The following MRPS6 variants were observed in gnomAD, a reference collection of about 807,000 sequenced individuals.
The protein encoded by MRPS6 is mitochondrial ribosomal protein S6.
In MRPS6, 6 loss-of-function variants were observed where a neutral mutation model predicts 13.1. The observed-to-expected ratio is 0.46, with a 90% CI of 0.25 to 0.91. MRPS6 has a LOEUF of 0.91. MRPS6 is among the 40% of genes least tolerant of loss of function. The pLI, the probability that MRPS6 is intolerant of heterozygous loss-of-function variation, is 0.18. For synonymous variants in MRPS6, 61 were observed against 56.5 expected (o/e 1.08, Z -0.36); for missense variants, 164 against 155.6 (o/e 1.05, Z -0.29).
At chr21:34,095,241 C>T in intron 1 of MRPS6, 3 of 1,613,704 alleles carry the variant, frequency 1.9e-6, no homozygotes, top group Non-Finnish European at 2.5e-6. Flanking sequence ...CATAGTGGCC[C>T]TGTATTTTAT....
chr21:34,085,292 C>T (rs1206322013), intron 1 of MRPS6, among the ~76,000 whole-genome samples: 1 of 152,096 alleles, frequency 6.6e-6, no homozygotes, highest in African/African-American at 2.4e-5. Context: ...GTTAGATTAG[C>T]CATTGTTGAC....
At position 34,121,354 on chromosome 21, in the gene MRPS6, T is replaced by G. The variant is rs1353873390; in HGVS notation, c.46-3987T>G. ...AATCGAGAACTACTAATTTAGCAGA[T>G]GAGGAAACTGAGGTACAAGTTTAAA... On this transcript the variant is annotated intron_variant, in intron 1 of 2. Coordinates refer to ENST00000399312, the MANE Select transcript of MRPS6 (RefSeq NM_032476.4). Among the ~76,000 whole-genome samples the G allele has an allele frequency of 2.6e-5, 4 of 152,298 alleles. No individual in the cohort carries two copies. The East Asian group carries it at 7.7e-4, about 29-fold the overall frequency.
At position 34,095,822 on chromosome 21, in the gene MRPS6, C is replaced by T. The variant is rs770193756; in HGVS notation, c.45+22077C>T. On this transcript the variant is annotated intron_variant, in intron 1 of 2. Transcript: ENST00000399312. ...TGATTATTAGCATAATGGAGATTGG[C>T]GGGTTTGAGGAAGTTAAGAGAAGGT... 1.7e-5 allele frequency: 27 copies of T among 1,613,798 alleles called. No homozygotes were observed. In the East Asian group the frequency reaches 3.6e-4, roughly 21 times the overall value.
At chr21:34,100,450 G>A (rs1979183281) in intron 1 of MRPS6, 1 of 1,000,088 alleles carries the variant, frequency 1.0e-6, no homozygotes, top group African/African-American at 1.7e-5. Context: ...CTTTAGATTA[G>A]AGAAGCATCA....
chr21:34,112,606 G>T (rs1870823963), intron 1 of MRPS6, among the ~76,000 whole-genome samples: 1 of 151,670 alleles, frequency 6.6e-6, no homozygotes, highest in Non-Finnish European at 1.5e-5. Flanking sequence ...CTATCCCCTG[G>T]CTCAGACAAT....
chr21:34,096,219 G>A lies in MRPS6; in HGVS notation c.45+22474G>A. On this transcript the variant is annotated intron_variant, in intron 1 of 2. Transcript: ENST00000399312. The surrounding 1 kb of genome is among the most constrained non-coding windows in gnomAD (Gnocchi z 5.9). ...CCCAGAGCACTGCATGCTGGTGTGTGGAAGCAGAGCTGGTTGCTCCAATAT... is the reference window on the plus strand; with the variant it reads ...CCCAGAGCACTGCATGCTGGTGTGTAGAAGCAGAGCTGGTTGCTCCAATAT... 2.5e-6 allele frequency: 4 copies of A among 1,614,168 alleles called. No individual in the cohort carries two copies. Among genetic ancestry groups the A allele is most frequent in the Non-Finnish European group, 3.4e-6 (4 of 1,180,012 alleles).
Position 34,109,138 on chromosome 21 carries a change from A to G in MRPS6, c.46-16203A>G, listed in dbSNP as rs1051123065. On this transcript the variant is annotated intron_variant, in intron 1 of 2. Coordinates refer to ENST00000399312, the MANE Select transcript of MRPS6 (RefSeq NM_032476.4). The stretch of plus-strand genomic sequence containing the variant: ...TCTTTTGTTCCTGAAATCTTTTTTT[A>G]TAGTCTCTTATTCTTGTCTTATATC... Among the ~76,000 whole-genome samples, 10 of 151,952 alleles carry G rather than the reference A, an allele frequency of 6.6e-5. No homozygotes were observed. In the East Asian group the frequency reaches 1.2e-3, roughly 18 times the overall value.
chr21:34,093,963 C>G (rs1978842867), intron 1 of MRPS6, among the ~76,000 whole-genome samples: 1 of 152,134 alleles, frequency 6.6e-6, no homozygotes, highest in South Asian at 2.1e-4. Flanking sequence ...TTCTCCTCCT[C>G]CCTCTTTTCT....
chr21:34,100,671 G>A (rs1335354357), intron 1 of MRPS6: 4 of 1,000,110 alleles, frequency 4.0e-6, no homozygotes, highest in Non-Finnish European at 4.8e-6. Context: ...ACTGAGTTGA[G>A]GGGGTTGTTA....
At chr21:34,098,433 C>T (rs1326565955) in intron 1 of MRPS6, 1 of 999,914 alleles carries the variant, frequency 1.0e-6, no homozygotes, top group Non-Finnish European at 1.2e-6. Flanking sequence ...ATTCTGATAT[C>T]TTATTGCATC....
At chr21:34,085,649 G>A (rs1299482850) in intron 1 of MRPS6, among the ~76,000 whole-genome samples, 1 of 144,206 alleles carries the variant, frequency 6.9e-6, no homozygotes, top group Non-Finnish European at 1.5e-5. Context: ...CGCCCAAGCT[G>A]GAGTGCCAGT....
At chr21:34,083,123 G>T (rs1989496539) in intron 1 of MRPS6, among the ~76,000 whole-genome samples, 1 of 152,192 alleles carries the variant, frequency 6.6e-6, no homozygotes, top group South Asian at 2.1e-4. Context: ...CTACCCTGGA[G>T]TGGTTAAGTG....
intron 1 of MRPS6, chr21:34,104,137 T>C: frequency 2.0e-6 from 2 of 999,932 alleles, no homozygotes; most frequent in Non-Finnish European, 2.4e-6. Context: ...TTTTTTCCTA[T>C]ACTTGACTGT....
intron 1 of MRPS6, among the ~76,000 whole-genome samples, chr21:34,080,492 A>G (rs914188388): frequency 6.6e-6 from 1 of 151,980 alleles, no homozygotes; most frequent in African/African-American, 2.4e-5. Flanking sequence ...CTCCCTTTCC[A>G]CAATACCCCA....
chr21:34,097,287 A>T, intron 1 of MRPS6: 1 of 1,612,570 alleles, frequency 6.2e-7, no homozygotes, highest in South Asian at 1.1e-5. Flanking sequence ...AGTTAAAGTA[A>T]TACTAAATAT....
chr21:34,111,977 A>T (rs536563342), intron 1 of MRPS6, among the ~76,000 whole-genome samples: 1 of 151,932 alleles, frequency 6.6e-6, no homozygotes, highest in East Asian at 1.9e-4. Context: ...CCTGTGCCTT[A>T]GATGTTGTTT....
intron 2 of MRPS6, among the ~76,000 whole-genome samples, chr21:34,136,828 CTT>C (rs1454715902): frequency 1.3e-5 from 2 of 152,092 alleles, no homozygotes; most frequent in African/African-American, 2.4e-5. Flanking sequence ...TCTAAGGAAA[CTT>C]TGCTTAATCC....
chr21:34,100,494 A>C (rs569326125), intron 1 of MRPS6: 1 of 1,000,194 alleles, frequency 1.0e-6, no homozygotes, highest in African/African-American at 1.7e-5. Context: ...CTTCGGCCTA[A>C]ATTCAATAGA....
At chr21:34,139,588 T>A (rs181329476) in intron 2 of MRPS6, among the ~76,000 whole-genome samples, 16 of 152,080 alleles carry the variant, frequency 1.1e-4, no homozygotes, top group African/African-American at 3.6e-4. Flanking sequence ...AATTTAATGC[T>A]TTTTTTTGAG....
Sources: gnomAD v4.1 joint callset for allele counts (sites outside exome capture counted in the v4.1 genomes callset) on GRCh38, gnomAD v4.1.1 for gene constraint, Gnocchi (gnomAD v3.1) non-coding constraint, MANE v1.5 for transcripts, NCBI Gene and HGNC (gene_info 2026-07-23, HGNC 2026-07-21) for gene names.